TBPL1: variants seen among roughly 807,000 people sequenced by gnomAD.
The protein encoded by TBPL1 is TATA box-binding protein-like 1.
A neutral mutation model predicts 22.1 loss-of-function variants in TBPL1; 4 were observed. The ratio of observed to expected loss-of-function variants is 0.18; its 90% CI spans 0.09 to 0.41. The LOEUF is 0.41. Among genes scored for constraint, TBPL1 ranks in the 10% least tolerant of loss-of-function variants. The pLI, the probability that TBPL1 is intolerant of heterozygous loss-of-function variation, is 1.00. For missense variants in TBPL1, 115 were observed against 222.3 expected, an observed-to-expected ratio of 0.52 and a Z score of 3.07; for synonymous variants, 64 against 71.0, an observed-to-expected ratio of 0.90 and a Z score of 0.50.
intron 1 of TBPL1, among the ~76,000 whole-genome samples, chr6:133,963,872 T>C (rs113919042): frequency 0.47 from 56,599 of 120,798 alleles, 13,371 homozygotes; most frequent in Non-Finnish European, 0.6. Flanking sequence ...CTACTAAAAA[T>C]ACAAAAAAAA....
chr6:133,957,603 AGTTAC>A (rs1562654636), intron 1 of TBPL1, among the ~76,000 whole-genome samples: 1 of 152,250 alleles, frequency 6.6e-6, no homozygotes, highest in South Asian at 2.1e-4. Flanking sequence ...GATCAGAATC[AGTTAC>A]GTTTTCTTGA....
chr6:133,984,607 C>G lies in TBPL1; in HGVS notation c.417C>G (p.Cys139Trp). The G allele has an allele frequency of 1.2e-6, 2 of 1,613,296 alleles. No individual in the cohort carries two copies. The highest frequency in any genetic ancestry group is 1.7e-6 in the Non-Finnish European group (2 of 1,179,824). The change falls in exon 6 of 7, where the codon TGC (cysteine) becomes TGG (tryptophan). Residue 139 changes from cysteine (C) to tryptophan (W), a missense_variant. Cys to Trp is a radical substitution (Grantham distance 215). Coordinates refer to ENST00000237264, the MANE Select transcript of TBPL1 (RefSeq NM_004865.4). ...AACCTGAACTTCATCCTGCTGTGTG[C>G]TATCGGATAAAATCTCTAAGAGCTA... ...SYEPELHPAVCYRIKSLRATL... is the reference protein window; with the variant it reads ...SYEPELHPAVWYRIKSLRATL...
chr6:133,958,924 T>A (rs1013514255), intron 1 of TBPL1, among the ~76,000 whole-genome samples: 5 of 152,212 alleles, frequency 3.3e-5, no homozygotes, highest in Admixed American at 3.3e-4. Context: ...TATGCTTGTA[T>A]TTAGAGGTGT....
intron 1 of TBPL1, among the ~76,000 whole-genome samples, chr6:133,959,088 G>A (rs1246039244): frequency 1.3e-5 from 2 of 152,126 alleles, no homozygotes; most frequent in Non-Finnish European, 2.9e-5. Flanking sequence ...CACCCAGACT[G>A]GAGTGCGGTG....
At chr6:133,965,167 C>T (rs1030835080) in intron 1 of TBPL1, among the ~76,000 whole-genome samples, 4 of 152,134 alleles carry the variant, frequency 2.6e-5, no homozygotes, top group South Asian at 2.1e-4. Context: ...GTTTTGTTAG[C>T]ATTAATTTAA....
chr6:133,968,653 TCTTAGC>T (rs1776164611), intron 1 of TBPL1, among the ~76,000 whole-genome samples: 2 of 152,162 alleles, frequency 1.3e-5, no homozygotes, highest in South Asian at 4.2e-4. Context: ...ATGTCTACTG[TCTTAGC>T]ATCCAAGTTT....
Position 133,986,987 on chromosome 6 carries a change from G to T in TBPL1, c.508G>T (p.Ala170Ser). The part of the protein sequence containing the change: ...TGPNVKAVAT[A>S]VEQIYPFVFE... Reference sequence around the variant, plus strand: ...GCCCAATGTAAAGGCTGTTGCTACTGCTGTGGAACAGATTTACCCATTTGT... The same window carrying T: ...GCCCAATGTAAAGGCTGTTGCTACTTCTGTGGAACAGATTTACCCATTTGT... Residue 170 changes from alanine (A) to serine (S), a missense_variant, in exon 7 of 7, where the codon GCT becomes TCT. By Grantham distance (99) the Ala-to-Ser change is moderately conservative (BLOSUM62 1). Transcript: ENST00000237264. 1 of 1,609,858 alleles carries T rather than the reference G, an allele frequency of 6.2e-7. No individual in the cohort carries two copies. The highest frequency in any genetic ancestry group is 8.5e-7 in the Non-Finnish European group (1 of 1,178,016).
At chr6:133,956,305 A>G (rs896694859) in intron 1 of TBPL1, among the ~76,000 whole-genome samples, 5 of 152,218 alleles carry the variant, frequency 3.3e-5, no homozygotes, top group African/African-American at 1.2e-4. Flanking sequence ...TGAAACTTAA[A>G]TCCATTTTGT....
At chr6:133,963,326 T>C (rs535798988) in intron 1 of TBPL1, among the ~76,000 whole-genome samples, 1 of 152,296 alleles carries the variant, frequency 6.6e-6, no homozygotes, top group East Asian at 1.9e-4. Context: ...ATCTTGGAAA[T>C]ATTTTCAAAA....
At chr6:133,970,353 A>G (rs1776197313) in intron 1 of TBPL1, among the ~76,000 whole-genome samples, 1 of 152,202 alleles carries the variant, frequency 6.6e-6, no homozygotes, top group African/African-American at 2.4e-5. Flanking sequence ...GATACTGTAG[A>G]TATTTCAATA....
At chr6:133,979,953 A>C in intron 1 of TBPL1, 129 bp from the exon 2 acceptor site, 2 of 729,218 alleles carry the variant, frequency 2.7e-6, no homozygotes, top group Non-Finnish European at 1.9e-6. Flanking sequence ...GGCCAGGGAC[A>C]TGATTTGATT....
chr6:133,985,201 C>G (rs578223008), intron 6 of TBPL1, among the ~76,000 whole-genome samples: 1 of 147,248 alleles, frequency 6.8e-6, no homozygotes, highest in East Asian at 2.0e-4. Flanking sequence ...ATCATTTGAA[C>G]CCAGGAGGCG....
In TBPL1 at chr6:133,980,089, T is replaced by C; in HGVS notation, c.-37T>C. 1.4e-6 allele frequency: 2 copies of C among 1,453,030 alleles called. No individual in the cohort carries two copies. Among genetic ancestry groups the C allele is most frequent in the Non-Finnish European group, 1.8e-6 (2 of 1,097,806 alleles). 90.0% of individuals were successfully genotyped at this position (1,453,030 alleles called of 1,614,324 possible). On this transcript the variant is annotated 5_prime_UTR_variant, in exon 2 of 7. Transcript: ENST00000237264. Reference sequence around the variant, plus strand: ...TTTTGTTTTATTTCTCAGGATGTGATCTTCGTGGTGGAAAGCTAAATTTTA... The same window carrying C: ...TTTTGTTTTATTTCTCAGGATGTGACCTTCGTGGTGGAAAGCTAAATTTTA...
At chr6:133,979,958 T>C in intron 1 of TBPL1, 124 bp from the exon 2 acceptor site, 1 of 779,014 alleles carries the variant, frequency 1.3e-6, no homozygotes, top group Non-Finnish European at 1.8e-6. Context: ...GGGACATGAT[T>C]TGATTCTAGT....
rs1339776549 is a variant in TBPL1, at chr6:133,988,884, T to G, written c.*1844T>G. ...TAATTAACAGTAATAAGTCACCTCCTGTTTTTCAATGTTCACCAAAAAAAG... is the reference window on the plus strand; with the variant it reads ...TAATTAACAGTAATAAGTCACCTCCGGTTTTTCAATGTTCACCAAAAAAAG... On this transcript the variant is annotated 3_prime_UTR_variant, in exon 7 of 7. Coordinates refer to ENST00000237264, the MANE Select transcript of TBPL1 (RefSeq NM_004865.4). 3 of 152,184 alleles carry G rather than the reference T, an allele frequency of 2.0e-5. No individual in the cohort carries two copies. Among genetic ancestry groups the G allele is most frequent in the Non-Finnish European group, 4.4e-5 (3 of 68,026 alleles). The allele number at this position is 152,184 out of a possible 1,614,324, so 9.4% of individuals were successfully genotyped here.
Position 133,961,309 on chromosome 6 carries a change from T to C in TBPL1, c.-45+7884T>C, listed in dbSNP as rs189508162. Among the ~76,000 whole-genome samples the C allele has an allele frequency of 3.9e-5, 6 of 152,266 alleles. No individual in the cohort carries two copies. In the East Asian group the frequency reaches 1.2e-3, roughly 29 times the overall value. On this transcript the variant is annotated intron_variant, in intron 1 of 6. Coordinates refer to ENST00000237264, the MANE Select transcript of TBPL1 (RefSeq NM_004865.4). ...GACACACATTTAAATTAAACAGTTA[T>C]CTTCAAGGAGCTTGGTGTCTGCAGT...
chr6:133,955,008 G>A (rs1456748071), intron 1 of TBPL1, among the ~76,000 whole-genome samples: 3 of 152,096 alleles, frequency 2.0e-5, no homozygotes, highest in Non-Finnish European at 4.4e-5. Context: ...TGCAAAGTGT[G>A]AACATTGGGA....
At chr6:133,957,367 G>A (rs1314372805) in intron 1 of TBPL1, among the ~76,000 whole-genome samples, 1 of 152,206 alleles carries the variant, frequency 6.6e-6, no homozygotes, top group Admixed American at 6.5e-5. Flanking sequence ...GACATATGTG[G>A]ATGATTTCAG....
intron 1 of TBPL1, among the ~76,000 whole-genome samples, chr6:133,979,311 A>G (rs1776368656): frequency 6.6e-6 from 1 of 152,188 alleles, no homozygotes; most frequent in Non-Finnish European, 1.5e-5. Context: ...GCTGCTTTAA[A>G]CTTAAGTCAG....
Sources: allele counts gnomAD v4.1 joint callset (sites outside exome capture counted in the v4.1 genomes callset), GRCh38; gene constraint gnomAD v4.1.1; transcripts MANE v1.5; gene names NCBI Gene and HGNC (gene_info 2026-07-23, HGNC 2026-07-21).